TSPAN5: variants seen among roughly 807,000 people sequenced by gnomAD.
TSPAN5 encodes tetraspanin 5.
TSPAN5 carries 10 observed loss-of-function variants against 37.1 expected under a neutral mutation model. The ratio of observed to expected loss-of-function variants is 0.27; its 90% confidence interval spans 0.17 to 0.46. The LOEUF (loss-of-function observed/expected upper bound fraction) is 0.46. Ranked by LOEUF, TSPAN5 falls within the 20% of genes least tolerant of loss-of-function variation. TSPAN5 has a pLI of 1.00. For synonymous variants in TSPAN5, 110 were observed against 118.9 expected (o/e 0.93, Z 0.48); for missense variants, 195 against 326.6 (o/e 0.60, Z 3.11).
At position 98,556,042 on chromosome 4, in the gene TSPAN5, CACA is replaced by C. The variant is rs557882000; in HGVS notation, c.82-48317_82-48315del. On this transcript the variant is annotated intron_variant, in intron 1 of 7. Transcript: ENST00000305798. Reference sequence around the variant, plus strand: ...CACACCCCCACACACACAGCACCCCCACACACACACACACACACACACAGGTAG... The same window carrying C: ...CACACCCCCACACACACAGCACCCCCCACACACACACACACACACAGGTAG... Among the ~76,000 whole-genome samples, 22 of 112,958 alleles carry C rather than the reference CACA, an allele frequency of 1.9e-4. 1 individual carries two copies. Among genetic ancestry groups the C allele is most frequent in the African/African-American group, 4.1e-4 (11 of 27,084 alleles). 74.1% of individuals were successfully genotyped at this position (112,958 alleles called of 152,430 possible).
At chr4:98,488,248 G>A (rs940611985) in intron 2 of TSPAN5, among the ~76,000 whole-genome samples, 1 of 152,168 alleles carries the variant, frequency 6.6e-6, no homozygotes, top group African/African-American at 2.4e-5. Context: ...GTACTTCCCA[G>A]TCAGCACTAA....
At chr4:98,492,472 T>G (rs1753104979) in intron 2 of TSPAN5, among the ~76,000 whole-genome samples, 1 of 152,190 alleles carries the variant, frequency 6.6e-6, no homozygotes, top group South Asian at 2.1e-4. Context: ...GCTGGTTCTC[T>G]TTGGGTCTTC....
At chr4:98,592,430 T>C (rs1253333327) in intron 1 of TSPAN5, among the ~76,000 whole-genome samples, 1 of 35,156 alleles carries the variant, frequency 2.8e-5, no homozygotes, top group Non-Finnish European at 6.3e-5. Flanking sequence ...TGTTTTTTGT[T>C]TTTTTTTTTT....
rs1005874997 is a variant in TSPAN5 at position 98,470,550 on chromosome 4, A to G, written c.*1972T>C. 1 of 152,272 alleles carries G rather than the reference A, an allele frequency of 6.6e-6. No homozygotes were observed. Among genetic ancestry groups the G allele is most frequent in the Non-Finnish European group, 1.5e-5 (1 of 68,048 alleles). 9.4% of individuals were successfully genotyped at this position (152,272 alleles called of 1,614,324 possible). Reference sequence around the variant, plus strand: ...CAATTGGCCAGATGGAGTTCACTGGAGAATGAGGCAATCAACAAAAAAGAC... The same window carrying G: ...CAATTGGCCAGATGGAGTTCACTGGGGAATGAGGCAATCAACAAAAAAGAC... On this transcript the variant is annotated 3_prime_UTR_variant, in exon 8 of 8. Coordinates refer to ENST00000305798, the MANE Select transcript of TSPAN5 (RefSeq NM_005723.4).
At chr4:98,528,816 GGCTA>G (rs1310796586) in intron 1 of TSPAN5, among the ~76,000 whole-genome samples, 17 of 152,146 alleles carry the variant, frequency 1.1e-4, no homozygotes, top group Admixed American at 9.2e-4. Flanking sequence ...TATGTACAAG[GGCTA>G]GCTAGACCTG....
chr4:98,532,069 C>T (rs1265632594), intron 1 of TSPAN5, among the ~76,000 whole-genome samples: 1 of 152,152 alleles, frequency 6.6e-6, no homozygotes, highest in Non-Finnish European at 1.5e-5. Context: ...TTAATTAGAT[C>T]CCATTTGTCT....
chr4:98,510,731 AG>A (rs1411259121), intron 1 of TSPAN5, among the ~76,000 whole-genome samples: 1 of 152,200 alleles, frequency 6.6e-6, no homozygotes, highest in African/African-American at 2.4e-5. Flanking sequence ...TTTCCAAACA[AG>A]GGTTTAAGAA....
In TSPAN5 at chr4:98,629,769, C is replaced by G. The variant is rs545042591; in HGVS notation, c.81+28377G>C. On this transcript the variant is annotated intron_variant, in intron 1 of 7. Transcript: ENST00000305798. ...GTAAAAACCCAGCATTCAAAAAACA[C>G]CAATGAAGAAAAAGACTGTTGCTAT... Among the ~76,000 whole-genome samples, 9 of 152,168 alleles carry G rather than the reference C, an allele frequency of 5.9e-5. 1 individual carries two copies. The South Asian group carries it at 1.9e-3, about 32-fold the overall frequency.
chr4:98,605,437 A>T (rs911958733), intron 1 of TSPAN5, among the ~76,000 whole-genome samples: 1 of 152,190 alleles, frequency 6.6e-6, no homozygotes, highest in Non-Finnish European at 1.5e-5. Flanking sequence ...AGCTGAGAAG[A>T]GCAGAGACAT....
chr4:98,472,829 GAGC>G (rs2110250061), intron 7 of TSPAN5, among the ~76,000 whole-genome samples: 1 of 152,124 alleles, frequency 6.6e-6, no homozygotes, highest in East Asian at 1.9e-4. Context: ...CTGTACCTGT[GAGC>G]AGTCATTCCC....
chr4:98,494,610 A>C (rs1482195138), intron 2 of TSPAN5, among the ~76,000 whole-genome samples: 1 of 151,998 alleles, frequency 6.6e-6, no homozygotes, highest in African/African-American at 2.4e-5. Flanking sequence ...CTTCGAATAT[A>C]ATAAGAATTA....
chr4:98,546,077 C>T (rs1210163552), intron 1 of TSPAN5, among the ~76,000 whole-genome samples: 1 of 152,050 alleles, frequency 6.6e-6, no homozygotes, highest in Non-Finnish European at 1.5e-5. Flanking sequence ...ACATCTCAAT[C>T]TTCACAATGT....
At chr4:98,544,085 CAGA>C (rs1754418572) in intron 1 of TSPAN5, among the ~76,000 whole-genome samples, 2 of 152,156 alleles carry the variant, frequency 1.3e-5, no homozygotes, top group South Asian at 4.1e-4. Flanking sequence ...GAGGCTGAGG[CAGA>C]AGGATTCCTT....
chr4:98,472,776 C>T (rs575946963), intron 7 of TSPAN5, among the ~76,000 whole-genome samples, 189 bp from the exon 8 acceptor site: 1 of 152,250 alleles, frequency 6.6e-6, no homozygotes, highest in South Asian at 2.1e-4. Context: ...CAACTATCAC[C>T]ACTATCTAAT....
At chr4:98,472,663 T>C (rs890789367) in intron 7 of TSPAN5, 76 bp from the exon 8 acceptor site, 1 of 1,282,406 alleles carries the variant, frequency 7.8e-7, no homozygotes, top group Admixed American at 1.8e-5. Context: ...CCCATTTTTT[T>C]AAATCATTGA....
rs76908035 is a variant in TSPAN5 at position 98,512,975 on chromosome 4, T to C, written c.82-5247A>G. ...GAAACAAATAAGGCCAAAGAAACTA[T>C]AACAGGGGGATTTGACCTGGAGGGG... is the stretch of plus-strand genomic sequence containing the variant. On this transcript the variant is annotated intron_variant, in intron 1 of 7. Coordinates refer to ENST00000305798, the MANE Select transcript of TSPAN5 (RefSeq NM_005723.4). Among the ~76,000 whole-genome samples, 2,627 of 152,212 alleles carry C rather than the reference T, an allele frequency of 0.017. 203 individuals carry two copies. In the East Asian group the frequency reaches 0.25, roughly 15 times the overall value.
chr4:98,615,599 T>C (rs1310771886), intron 1 of TSPAN5, among the ~76,000 whole-genome samples: 1 of 152,172 alleles, frequency 6.6e-6, no homozygotes, highest in Non-Finnish European at 1.5e-5. Flanking sequence ...GGCAGGCAGA[T>C]CACTTGAGGT....
chr4:98,519,085 T>A (rs1388611815), intron 1 of TSPAN5, among the ~76,000 whole-genome samples: 3 of 152,092 alleles, frequency 2.0e-5, no homozygotes, highest in Admixed American at 2.0e-4. Flanking sequence ...TTGGTGAGAA[T>A]GACATCAGCT....
At chr4:98,530,997 C>G (rs902317058) in intron 1 of TSPAN5, among the ~76,000 whole-genome samples, 2 of 152,188 alleles carry the variant, frequency 1.3e-5, no homozygotes, top group Admixed American at 1.3e-4. Context: ...GCCTCAAACT[C>G]CTGGTATTAT....
Sources: allele counts gnomAD v4.1 joint callset (sites outside exome capture counted in the v4.1 genomes callset), GRCh38; gene constraint gnomAD v4.1.1; transcripts MANE v1.5; gene names NCBI Gene and HGNC (gene_info 2026-07-23, HGNC 2026-07-21).